TPRG1: variants seen among roughly 807,000 people sequenced by gnomAD.
The protein encoded by TPRG1 is tumor protein p63 regulated 1.
In TPRG1, 29 loss-of-function variants were observed where a neutral mutation model predicts 29.3. The ratio of observed to expected loss-of-function variants is 0.99; its 90% confidence interval spans 0.74 to 1.35. The LOEUF (loss-of-function observed/expected upper bound fraction) is 1.35. Ranked by LOEUF, TPRG1 falls within the 40% of genes most tolerant of loss-of-function variation. TPRG1 has a pLI of 0.00. For synonymous variants in TPRG1, 130 were observed against 116.8 expected, an observed-to-expected ratio of 1.11 and a Z score of -0.73; for missense variants, 327 against 335.0, an observed-to-expected ratio of 0.98 and a Z score of 0.19.
At chr3:189,156,225 T>C (rs1259014053) in intron 5 of TPRG1, among the ~76,000 whole-genome samples, 2 of 151,322 alleles carry the variant, frequency 1.3e-5, no homozygotes, top group Non-Finnish European at 2.9e-5. Context: ...CTTTGACGAG[T>C]GAAGAAGGGG....
Position 189,173,401 on chromosome 3 carries a change from G to A in TPRG1, c.-10+1270G>A, listed in dbSNP as rs188663090. 5.8e-3 allele frequency among the ~76,000 whole-genome samples: 862 copies of A among 147,574 alleles called. 10 individuals carry two copies. The highest frequency in any genetic ancestry group is 0.019 in the African/African-American group (740 of 39,746). On this transcript the variant is annotated intron_variant, in intron 1 of 5. Transcript: ENST00000345063. The stretch of plus-strand genomic sequence containing the variant: ...GTTGCCCAGGCTGGAGGGTAGTGGC[G>A]CGATCTCGGCTCACTGCAGCCTCCA...
At chr3:189,050,498 TCAGACATTCA>T (rs1208543252) in intron 4 of TPRG1, among the ~76,000 whole-genome samples, 1 of 152,118 alleles carries the variant, frequency 6.6e-6, no homozygotes, top group Admixed American at 6.5e-5. Flanking sequence ...CAGAATTCTA[TCAGACATTCA>T]CAGAATTGGT....
intron 4 of TPRG1, among the ~76,000 whole-genome samples, chr3:189,070,327 A>G (rs1365248492): frequency 6.6e-6 from 1 of 152,182 alleles, no homozygotes; most frequent in Non-Finnish European, 1.5e-5. Context: ...CCCTTGGATG[A>G]GGGAACTGTT....
intron 4 of TPRG1, chr3:189,240,302 C>G (rs1306309108): frequency 6.6e-6 from 1 of 152,022 alleles, no homozygotes; most frequent in African/African-American, 2.4e-5. Flanking sequence ...CAGGAACTCT[C>G]TCTTCTACAC....
At chr3:189,000,047 A>T (rs1388322590) in intron 1 of TPRG1, among the ~76,000 whole-genome samples, 1 of 152,162 alleles carries the variant, frequency 6.6e-6, no homozygotes, top group Non-Finnish European at 1.5e-5. Flanking sequence ...ATAAAAAAGA[A>T]AATAACACAT....
chr3:189,217,887 C>A (rs1578873265), intron 3 of TPRG1: 1 of 985,266 alleles, frequency 1.0e-6, no homozygotes, highest in Non-Finnish European at 1.2e-6. Context: ...CACACCAAGG[C>A]AGGGAAAGGC....
chr3:189,302,271 C>T (rs1577011319), intron 4 of TPRG1, among the ~76,000 whole-genome samples: 1 of 152,202 alleles, frequency 6.6e-6, no homozygotes, highest in South Asian at 2.1e-4. Flanking sequence ...TCAGTAAAGA[C>T]GTATTGAATG....
At chr3:189,291,783 C>G (rs1231859182) in intron 4 of TPRG1, among the ~76,000 whole-genome samples, 1 of 152,136 alleles carries the variant, frequency 6.6e-6, no homozygotes, top group African/African-American at 2.4e-5. Context: ...TGAAAACAAC[C>G]CTGATCATTA....
At chr3:189,150,688 T>G (rs569837247) in exon 5 of TPRG1, 50 of 152,298 alleles carry the variant, frequency 3.3e-4, no homozygotes, top group African/African-American at 1.2e-3. Context: ...ACTGAAGACA[T>G]TTGGGACCTC....
chr3:189,247,432 A>C (rs116119541), intron 4 of TPRG1, among the ~76,000 whole-genome samples: 2,607 of 152,022 alleles, frequency 0.017, 81 homozygotes, highest in African/African-American at 0.058. Context: ...GATAATTTCA[A>C]TCTCTTGTTC....
chr3:189,240,250 A>G (rs1740316616), intron 4 of TPRG1: 1 of 152,148 alleles, frequency 6.6e-6, no homozygotes, highest in South Asian at 2.1e-4. Context: ...AATATTACAC[A>G]TTGTAAAATA....
At chr3:189,099,694 T>G (rs1395265979), upstream of TPRG1, among the ~76,000 whole-genome samples, 3 of 152,026 alleles carry the variant, frequency 2.0e-5, no homozygotes, top group East Asian at 3.9e-4. Flanking sequence ...CTCAATTGCT[T>G]AAAATGGAAA....
intron 1 of TPRG1, among the ~76,000 whole-genome samples, chr3:189,110,644 T>C (rs540174529): frequency 6.6e-6 from 1 of 152,066 alleles, no homozygotes; most frequent in Admixed American, 6.6e-5. Flanking sequence ...GGTATTTTTT[T>C]AATTCTGCTT....
chr3:189,292,679 T>G (rs1719216922), intron 4 of TPRG1, among the ~76,000 whole-genome samples: 1 of 152,190 alleles, frequency 6.6e-6, no homozygotes, highest in Non-Finnish European at 1.5e-5. Context: ...CTTTAACTTC[T>G]TTATGGAATA....
chr3:189,288,209 GC>G (rs1443625422), intron 4 of TPRG1, among the ~76,000 whole-genome samples: 1 of 151,918 alleles, frequency 6.6e-6, no homozygotes, highest in Non-Finnish European at 1.5e-5. Context: ...TAATGTAGTT[GC>G]TTCACTTTTT....
chr3:189,020,488 A>T (rs1341462859), intron 3 of TPRG1, among the ~76,000 whole-genome samples: 1 of 149,348 alleles, frequency 6.7e-6, no homozygotes, highest in Non-Finnish European at 1.5e-5. Context: ...TTCGTTATGT[A>T]CCCAGTAGTC....
In TPRG1 at chr3:189,238,828, T is replaced by C; in HGVS notation, c.398T>C (p.Val133Ala). The change falls in exon 4 of 6, where the codon GTG (valine) becomes GCG (alanine). Residue 133 changes from valine (V) to alanine (A), a missense_variant. Val to Ala is a moderately conservative substitution (Grantham distance 64). Coordinates refer to ENST00000345063, the MANE Select transcript of TPRG1 (RefSeq NM_198485.4). ...TACGACTTCATCATGCTGAGTTGTG[T>C]GCAGCTGCAGCGGATTCCTCTGAGC... is the stretch of plus-strand genomic sequence containing the variant. ...CKYDFIMLSC[V>A]QLQRIPLSAV... The C allele has an allele frequency of 1.2e-6, 2 of 1,613,820 alleles. No individual in the cohort carries two copies. The highest frequency in any genetic ancestry group is 1.7e-4 in the Middle Eastern group (1 of 6,052).
Position 189,320,728 on chromosome 3 carries a change from A to C in TPRG1, c.736A>C (p.Ile246Leu). The part of the protein sequence containing the change: ...GKKLMVLTEP[I>L]LIETYTGLMS... ...GAAACTGATGGTGTTAACTGAACCC[A>C]TTTTGATTGAGACCTACACAGGGCT... Residue 246 changes from isoleucine to leucine, a missense_variant, in exon 6 of 6, where the codon ATT becomes CTT. Ile to Leu is a conservative substitution (Grantham distance 5). Coordinates refer to ENST00000345063, the MANE Select transcript of TPRG1 (RefSeq NM_198485.4). The C allele has an allele frequency of 6.2e-7, 1 of 1,603,936 alleles. No individual in the cohort carries two copies. The highest frequency in any genetic ancestry group is 8.5e-7 in the Non-Finnish European group (1 of 1,175,232).
Position 189,222,200 on chromosome 3 carries a change from C to T in TPRG1, c.302+6817C>T, listed in dbSNP as rs569639076. On this transcript the variant is annotated intron_variant, in intron 3 of 5. Transcript: ENST00000345063. Reference sequence around the variant, plus strand: ...CCAGGAACAACAAAAAAGTCAAATGCCTGTAAGGGATGGTGGGCAATGCTG... The same window carrying T: ...CCAGGAACAACAAAAAAGTCAAATGTCTGTAAGGGATGGTGGGCAATGCTG... Among the ~76,000 whole-genome samples, 14 of 152,234 alleles carry T rather than the reference C, an allele frequency of 9.2e-5. No homozygotes were observed. In the South Asian group the frequency reaches 2.5e-3, roughly 27 times the overall value.
Sources: gnomAD v4.1 joint callset for allele counts (sites outside exome capture counted in the v4.1 genomes callset) on GRCh38, gnomAD v4.1.1 for gene constraint, MANE v1.5 for transcripts, NCBI Gene and HGNC (gene_info 2026-07-23, HGNC 2026-07-21) for gene names.